Variants in SGCZ observed in about 807,000 individuals in gnomAD.
SGCZ encodes zeta-sarcoglycan.
A neutral mutation model predicts 41.3 loss-of-function variants in SGCZ; 40 were observed. The ratio of observed to expected loss-of-function variants is 0.97; its 90% CI spans 0.75 to 1.26. SGCZ has a LOEUF of 1.26. SGCZ is among the 50% of genes most tolerant of loss of function. The pLI is 0.00. For missense variants in SGCZ, 552 were observed against 369.8 expected, an observed-to-expected ratio of 1.49 and a Z score of -4.04; for synonymous variants, 206 against 137.5, an observed-to-expected ratio of 1.50 and a Z score of -3.49.
intron 2 of SGCZ, among the ~76,000 whole-genome samples, chr8:14,542,740 T>G (rs1395433207): frequency 6.6e-6 from 1 of 152,070 alleles, no homozygotes; most frequent in Non-Finnish European, 1.5e-5. Context: ...GGTTTATGTG[T>G]TTTTATTTGC....
intron 2 of SGCZ, among the ~76,000 whole-genome samples, chr8:14,461,266 C>G (rs1295420547): frequency 6.6e-6 from 1 of 152,218 alleles, no homozygotes; most frequent in Middle Eastern, 3.4e-3. Context: ...AGGAAATATC[C>G]TCTTCAACTG....
intron 2 of SGCZ, among the ~76,000 whole-genome samples, chr8:14,516,801 A>C (rs1322709517): frequency 1.3e-5 from 2 of 152,092 alleles, no homozygotes; most frequent in African/African-American, 4.8e-5. Flanking sequence ...AAGTACTGAC[A>C]CTGAGTAAAT....
At chr8:14,540,948 T>C (rs1013484051) in intron 2 of SGCZ, among the ~76,000 whole-genome samples, 17 of 151,310 alleles carry the variant, frequency 1.1e-4, no homozygotes, top group African/African-American at 4.1e-4. Context: ...ACTTCATTTT[T>C]TCACAGTTAT....
intron 1 of SGCZ, among the ~76,000 whole-genome samples, chr8:15,018,053 G>C (rs959505908): frequency 6.6e-6 from 1 of 152,076 alleles, no homozygotes; most frequent in Non-Finnish European, 1.5e-5. Flanking sequence ...GTATGCAAAA[G>C]AATTCCATTT....
At chr8:14,236,059 G>C (rs1806748353) in intron 4 of SGCZ, among the ~76,000 whole-genome samples, 1 of 152,134 alleles carries the variant, frequency 6.6e-6, no homozygotes, top group Admixed American at 6.6e-5. Flanking sequence ...AGTTCTATCT[G>C]GCTGAAGAGT....
intron 1 of SGCZ, among the ~76,000 whole-genome samples, chr8:15,214,910 G>A (rs993987134): frequency 2.6e-5 from 4 of 152,116 alleles, no homozygotes; most frequent in Admixed American, 2.0e-4. Context: ...ACAGAAAAGC[G>A]AAGTTGCAGA....
At chr8:15,012,529 T>C (rs1436320218) in intron 1 of SGCZ, among the ~76,000 whole-genome samples, 6 of 106,406 alleles carry the variant, frequency 5.6e-5, no homozygotes, top group African/African-American at 3.0e-4. Flanking sequence ...CATAAACATA[T>C]GAACATATAA....
chr8:14,809,284 A>C (rs1801667132), intron 1 of SGCZ, among the ~76,000 whole-genome samples: 1 of 152,150 alleles, frequency 6.6e-6, no homozygotes, highest in Non-Finnish European at 1.5e-5. Context: ...AAACTGTTTC[A>C]AAGGAGAAAT....
intron 2 of SGCZ, among the ~76,000 whole-genome samples, chr8:14,531,360 C>A (rs1422449266): frequency 1.3e-5 from 2 of 151,930 alleles, no homozygotes; most frequent in Non-Finnish European, 2.9e-5. Flanking sequence ...CCAGTGTCTG[C>A]ATACCTCATT....
At position 14,120,862 on chromosome 8, in the gene SGCZ, T is replaced by C. The variant is rs192393586; in HGVS notation, c.548-12627A>G. On this transcript the variant is annotated intron_variant, in intron 5 of 7. Coordinates refer to ENST00000382080, the MANE Select transcript of SGCZ (RefSeq NM_139167.4). ...TAAAGTTAATAATTTTACCAAAAAC[T>C]TTGAATAAATTTAATGCAATCTTAA... Among the ~76,000 whole-genome samples the C allele has an allele frequency of 1.8e-3, 272 of 152,198 alleles. 2 individuals are homozygous for C. The Middle Eastern group carries it at 0.02, about 11-fold the overall frequency.
intron 1 of SGCZ, among the ~76,000 whole-genome samples, chr8:14,990,118 G>C (rs1160047554): frequency 6.6e-6 from 1 of 152,120 alleles, no homozygotes; most frequent in Non-Finnish European, 1.5e-5. Flanking sequence ...CACACAGCCT[G>C]GTCTTCTGTT....
At chr8:14,418,243 G>A (rs891563732) in intron 2 of SGCZ, among the ~76,000 whole-genome samples, 14 of 151,858 alleles carry the variant, frequency 9.2e-5, no homozygotes, top group Non-Finnish European at 1.9e-4. Context: ...TCATGACTTG[G>A]GCTATTAGAA....
chr8:14,618,089 C>T (rs184176754), intron 1 of SGCZ, among the ~76,000 whole-genome samples: 1 of 131,048 alleles, frequency 7.6e-6, no homozygotes, highest in Non-Finnish European at 1.7e-5. Flanking sequence ...ATATATCCAA[C>T]AGATATTTAT....
At chr8:15,141,157 G>C (rs1490126739) in intron 1 of SGCZ, among the ~76,000 whole-genome samples, 2 of 152,128 alleles carry the variant, frequency 1.3e-5, no homozygotes, top group African/African-American at 2.4e-5. Flanking sequence ...CAAATATTGA[G>C]GAATTAATTA....
chr8:14,563,847 T>G (rs1202737694), intron 1 of SGCZ, among the ~76,000 whole-genome samples: 2 of 152,160 alleles, frequency 1.3e-5, no homozygotes, highest in African/African-American at 4.8e-5. Flanking sequence ...AAAAACAGAA[T>G]GCAATTGTAT....
chr8:14,436,651 G>A (rs1377134356), intron 2 of SGCZ, among the ~76,000 whole-genome samples: 1 of 152,218 alleles, frequency 6.6e-6, no homozygotes, highest in South Asian at 2.1e-4. Context: ...GATCCTGCAA[G>A]ATGAAGTGTT....
chr8:14,208,107 T>C (rs1262996272), intron 4 of SGCZ, among the ~76,000 whole-genome samples: 1 of 152,220 alleles, frequency 6.6e-6, no homozygotes, highest in Non-Finnish European at 1.5e-5. Flanking sequence ...ATGTACTTCC[T>C]ACTAACCATG....
intron 1 of SGCZ, among the ~76,000 whole-genome samples, chr8:15,024,543 T>C (rs910699225): frequency 7.9e-5 from 12 of 152,172 alleles, no homozygotes; most frequent in African/African-American, 2.4e-4. Context: ...ACACTATTTA[T>C]ATGGAATGTT....
At chr8:14,637,352 C>T (rs148824994) in intron 1 of SGCZ, among the ~76,000 whole-genome samples, 2 of 151,228 alleles carry the variant, frequency 1.3e-5, no homozygotes, top group African/African-American at 4.9e-5. Flanking sequence ...ACTCGGAGTA[C>T]ACGTGCAGGT....
Sources: gnomAD v4.1 joint callset for allele counts (sites outside exome capture counted in the v4.1 genomes callset) on GRCh38, gnomAD v4.1.1 for gene constraint, MANE v1.5 for transcripts, NCBI Gene and HGNC (gene_info 2026-07-23, HGNC 2026-07-21) for gene names.